The following IPO9 variants were observed in gnomAD, a reference collection of about 807,000 sequenced individuals.
The protein encoded by IPO9 is importin-9.
In IPO9, 28 loss-of-function variants were observed where a neutral mutation model predicts 128.6. That is an observed-to-expected ratio of 0.22 (90% CI 0.16 to 0.30). The LOEUF (loss-of-function observed/expected upper bound fraction) is 0.30, where lower values mean the gene tolerates loss of function less well. Among genes scored for constraint, IPO9 ranks in the 10% least tolerant of loss-of-function variants. The pLI, the probability that IPO9 is intolerant of heterozygous loss-of-function variation, is 1.00. For missense variants in IPO9, 935 were observed against 1,293.9 expected (o/e 0.72, Z 4.26); for synonymous variants, 455 against 475.8 (o/e 0.96, Z 0.57).
At chr1:201,839,112 G>T (rs1036119068) in intron 1 of IPO9, among the ~76,000 whole-genome samples, 1 of 151,892 alleles carries the variant, frequency 6.6e-6, no homozygotes, top group Admixed American at 6.6e-5. Context: ...TAGAGATGGG[G>T]TTTCACCATG....
chr1:201,854,795 C>A, intron 7 of IPO9, 28 bp from the exon 8 acceptor site: 1 of 1,602,552 alleles, frequency 6.2e-7, no homozygotes, highest in Non-Finnish European at 8.5e-7. Flanking sequence ...TCACTCATAA[C>A]TTGGGTCCTT....
rs77969230 is a variant in IPO9 at position 201,832,771 on chromosome 1, G to A, written c.163+3399G>A. On this transcript the variant is annotated intron_variant, in intron 1 of 23. Transcript: ENST00000361565. The stretch of plus-strand genomic sequence containing the variant: ...TCACATAGGAGACTGATCCCACATG[G>A]TCTTTAAGATTAACTGGTCCGTTCC... Among the ~76,000 whole-genome samples the A allele has an allele frequency of 6.4e-3, 979 of 152,302 alleles. 4 individuals carry two copies. Among genetic ancestry groups the A allele is most frequent in the Non-Finnish European group, 0.011 (726 of 68,034 alleles).
intron 1 of IPO9, among the ~76,000 whole-genome samples, chr1:201,834,662 TC>T (rs1168543075): frequency 2.0e-5 from 3 of 152,254 alleles, no homozygotes; most frequent in African/African-American, 7.2e-5. Flanking sequence ...TAGGACATTT[TC>T]TTCTTTGCTT....
chr1:201,857,153 TTC>T lies in IPO9; in HGVS notation c.1183_1184del (p.Ser395LeufsTer4), dbSNP rs1315886372. On this transcript the variant is annotated frameshift_variant, in exon 11 of 24. Transcript: ENST00000361565. LOFTEE classifies it high-confidence loss of function. ...QFVEDEDDDTFSYTVRIAAQD... is the reference protein window; with the variant it reads ...QFVEDEDDDTXSYTVRIAAQD... The stretch of plus-strand genomic sequence containing the variant: ...TGTAGAAGATGAAGATGATGATACA[TTC>T]TCCTATACTGTTAGAATAGCAGCTC... 1 of 1,613,366 alleles carries T rather than the reference TTC, an allele frequency of 6.2e-7. No individual in the cohort carries two copies. The highest frequency in any genetic ancestry group is 8.5e-7 in the Non-Finnish European group (1 of 1,179,284).
rs373074849 is a variant in IPO9, at chr1:201,840,359, C to G, written c.164-6920C>G. On this transcript the variant is annotated intron_variant, in intron 1 of 23. Coordinates refer to ENST00000361565, the MANE Select transcript of IPO9 (RefSeq NM_018085.5). ...GTGCTGGGGTTGTAGGTGTGAGCCA[C>G]CACACCTGGCCAAAAAATTTTAAAT... 3.3e-5 allele frequency among the ~76,000 whole-genome samples: 5 copies of G among 152,256 alleles called. No individual in the cohort carries two copies. In the East Asian group the frequency reaches 7.7e-4, roughly 24 times the overall value.
intron 1 of IPO9, among the ~76,000 whole-genome samples, chr1:201,840,846 T>C (rs1680023331): frequency 6.6e-6 from 1 of 152,162 alleles, no homozygotes; most frequent in South Asian, 2.1e-4. Context: ...ATGTGTCTGC[T>C]CATTTGTGTA....
intron 13 of IPO9, 135 bp from the exon 14 acceptor site, chr1:201,863,313 T>TC: frequency 1.2e-6 from 1 of 803,332 alleles, no homozygotes; most frequent in South Asian, 2.2e-5. Context: ...GATCACGCCA[T>TC]CGCACTCCAT....
At chr1:201,859,180 AATATATATAT>A (rs148348918) in intron 13 of IPO9, among the ~76,000 whole-genome samples, 186 bp downstream of exon 13, 5 of 83,478 alleles carry the variant, frequency 6.0e-5, no homozygotes, top group Admixed American at 1.3e-4. Flanking sequence ...CTCAAAGTAT[AATATATATAT>A]ATATATATAT....
chr1:201,871,180 C>T lies in IPO9; in HGVS notation c.2429C>T (p.Ala810Val). The change falls in exon 19 of 24, where the codon GCT (alanine) becomes GTT (valine). Residue 810 changes from alanine to valine, a missense_variant. This residue lies in a region of IPO9 where 741 missense variants were observed against 1,019.1 expected (regional missense o/e 0.73). Coordinates refer to ENST00000361565, the MANE Select transcript of IPO9 (RefSeq NM_018085.5). ...SVMQSLIMVF[A>V]HLVHTQLEPL... is the part of the protein sequence containing the mutation. ...TCCTAGTCCCTGATCATGGTGTTCGCTCATCTGGTGCACACTCAGCTAGAA... is the reference window on the plus strand; with the variant it reads ...TCCTAGTCCCTGATCATGGTGTTCGTTCATCTGGTGCACACTCAGCTAGAA... 1 of 1,613,384 alleles carries T rather than the reference C, an allele frequency of 6.2e-7. No individual in the cohort carries two copies. Among genetic ancestry groups the T allele is most frequent in the Non-Finnish European group, 8.5e-7 (1 of 1,179,768 alleles).
chr1:201,852,046 C>A, intron 4 of IPO9, 58 bp from the exon 5 acceptor site: 1 of 1,109,522 alleles, frequency 9.0e-7, no homozygotes, highest in Non-Finnish European at 1.4e-6. Flanking sequence ...AAATATCACA[C>A]TTAATATCTT....
intron 1 of IPO9, among the ~76,000 whole-genome samples, chr1:201,842,295 A>T (rs1680049035): frequency 6.6e-6 from 1 of 152,220 alleles, no homozygotes; most frequent in South Asian, 2.1e-4. Flanking sequence ...CCAGGTGAAG[A>T]GATACATAGG....
chr1:201,830,115 A>C (rs188064258), intron 1 of IPO9, among the ~76,000 whole-genome samples: 1 of 152,334 alleles, frequency 6.6e-6, no homozygotes, highest in East Asian at 1.9e-4. Flanking sequence ...ATTTTCTATC[A>C]ATTTCCTGCC....
chr1:201,871,057 C>T (rs773653425), intron 18 of IPO9, 104 bp from the exon 19 acceptor site: 31 of 1,286,248 alleles, frequency 2.4e-5, no homozygotes, highest in Admixed American at 4.2e-5. Context: ...GTGGATAATA[C>T]CCTCAGTGTA....
chr1:201,872,014 C>G (rs1680662281), intron 19 of IPO9, among the ~76,000 whole-genome samples: 1 of 152,016 alleles, frequency 6.6e-6, no homozygotes, highest in Non-Finnish European at 1.5e-5. Context: ...GCGAGCAGAT[C>G]ACCGGAGGTC....
At chr1:201,869,798 G>T (rs944883619) in intron 17 of IPO9, 80 bp downstream of exon 17, 3 of 1,476,758 alleles carry the variant, frequency 2.0e-6, no homozygotes, top group Admixed American at 2.3e-5. Flanking sequence ...ATCTGACATG[G>T]TTTTATGCTT....
Position 201,877,270 on chromosome 1 carries a change from A to T in IPO9, c.*1216A>T, listed in dbSNP as rs1269997388. The T allele has an allele frequency of 6.6e-6, 1 of 151,810 alleles. No individual in the cohort carries two copies. The highest frequency in any genetic ancestry group is 1.5e-5 in the Non-Finnish European group (1 of 67,948). The allele number at this position is 151,810 out of a possible 1,614,324, so 9.4% of individuals were successfully genotyped here. A position where few individuals can be genotyped will look rare whatever the true frequency, so the allele number is the denominator to read the frequency against. On this transcript the variant is annotated 3_prime_UTR_variant, in exon 24 of 24. Transcript: ENST00000361565. ...AATCCTAGCACTTTGGGAGGCTGAG[A>T]TGGGCGGATCACTTGAGATCAGGAG...
Position 201,868,716 on chromosome 1 carries a change from C to T in IPO9, c.1924C>T (p.Pro642Ser), listed in dbSNP as rs1229972320. The T allele has an allele frequency of 8.1e-6, 13 of 1,613,834 alleles. No homozygotes were observed. The highest frequency in any genetic ancestry group is 1.1e-5 in the Non-Finnish European group (13 of 1,179,972). ...ELSQIEACQG[P>S]MQMRLIPTLV... ...GTCCCAGATTGAAGCCTGTCAGGGC[C>T]CAATGCAAATGAGGCTGATTCCCAC... The change falls in exon 16 of 24, where the codon CCA (proline) becomes TCA (serine). Residue 642 changes from proline to serine, a missense_variant. Transcript: ENST00000361565.
In IPO9 at chr1:201,858,877, A is replaced by G; in HGVS notation, c.1351A>G (p.Met451Val). ...CAGGTGGAAGATCCATGAGGCATGC[A>G]TGCTTGCCCTAGGCTCAGTGAAGGC... ...EHWWKIHEAC[M>V]LALGSVKAII... Residue 451 changes from methionine (M) to valine (V), a missense_variant, in exon 13 of 24, where the codon ATG (methionine) becomes GTG (valine). Met to Val is a conservative substitution (Grantham distance 21, BLOSUM62 1). Around this residue, in one of 3 missense-constraint regions of IPO9, gnomAD observed 741 missense variants for 1,019.1 expected, o/e 0.73. Transcript: ENST00000361565. 4 of 1,607,640 alleles carry G rather than the reference A, an allele frequency of 2.5e-6. No homozygotes were observed. Among genetic ancestry groups the G allele is most frequent in the South Asian group, 1.1e-5 (1 of 90,722 alleles).
intron 4 of IPO9, chr1:201,850,506 A>G (rs1035538468): frequency 3.9e-5 from 6 of 152,220 alleles, no homozygotes; most frequent in African/African-American, 1.2e-4. Flanking sequence ...GCTAAGGATT[A>G]GAAGATTTGA....
Sources: gnomAD v4.1 joint callset for allele counts (sites outside exome capture counted in the v4.1 genomes callset) on GRCh38, gnomAD v4.1.1 for gene constraint, gnomAD v4.1.1 regional missense constraint, MANE v1.5 for transcripts, NCBI Gene and HGNC (gene_info 2026-07-23, HGNC 2026-07-21) for gene names.